Variants in EFCAB13 observed in about 807,000 individuals in gnomAD.
EFCAB13 encodes the protein EF-hand calcium-binding domain-containing protein 13.
Under a neutral mutation model 110.2 loss-of-function variants are expected in EFCAB13, and 91 were observed. That is an observed-to-expected ratio of 0.83 (90% CI 0.70 to 0.98). The LOEUF (loss-of-function observed/expected upper bound fraction) is 0.98, where lower values mean the gene tolerates loss of function less well. EFCAB13 is among the 50% of genes least tolerant of loss of function. EFCAB13 has a pLI of 0.00. For synonymous variants in EFCAB13, 323 were observed against 369.9 expected, an observed-to-expected ratio of 0.87 and a Z score of 1.45; for missense variants, 968 against 1,119.4, an observed-to-expected ratio of 0.86 and a Z score of 1.93.
At chr17:47,428,453 G>T (rs1226765110) in intron 23 of EFCAB13, among the ~76,000 whole-genome samples, 1 of 151,872 alleles carries the variant, frequency 6.6e-6, no homozygotes, top group Non-Finnish European at 1.5e-5. Context: ...ATTTGGCCAG[G>T]TATTAAATGG....
chr17:47,397,624 C>G (rs1452243003), intron 17 of EFCAB13, among the ~76,000 whole-genome samples: 2 of 151,378 alleles, frequency 1.3e-5, no homozygotes, highest in East Asian at 2.0e-4. Context: ...TCTGCCCGGC[C>G]GCCCATCGTC....
chr17:47,366,945 A>G (rs894634281), intron 10 of EFCAB13, among the ~76,000 whole-genome samples: 2 of 152,228 alleles, frequency 1.3e-5, no homozygotes, highest in Non-Finnish European at 2.9e-5. Context: ...GGCCTTTTCC[A>G]CTGGATTAAT....
At chr17:47,394,471 C>T (rs1567797231) in intron 16 of EFCAB13, among the ~76,000 whole-genome samples, 1 of 152,058 alleles carries the variant, frequency 6.6e-6, no homozygotes, top group Non-Finnish European at 1.5e-5. Context: ...TACATCTGTC[C>T]CCATTTCTTT....
Position 47,335,357 on chromosome 17 carries a change from G to T in EFCAB13, c.191+1G>T, listed in dbSNP as rs750737546. 2 of 1,581,302 alleles carry T rather than the reference G, an allele frequency of 1.3e-6. No individual in the cohort carries two copies. The highest frequency in any genetic ancestry group is 2.0e-5 in the Admixed American group (1 of 50,790). ...GTTTGAGCCCAGAATATAAAAAAAT[G>T]TAAGTTAAAAACTCTGAACTTACTT... is the stretch of plus-strand genomic sequence containing the variant. On this transcript the variant is annotated splice_donor_variant, in intron 5 of 24. Coordinates refer to ENST00000331493, the MANE Select transcript of EFCAB13 (RefSeq NM_152347.5). LOFTEE classifies it high-confidence loss of function.
chr17:47,438,132 G>A lies in EFCAB13; in HGVS notation c.2639-2299G>A, dbSNP rs575514049. On this transcript the variant is annotated intron_variant, in intron 24 of 24. Transcript: ENST00000331493. ...GCCCTAATCCCTTCTACCTTGTAGG[G>A]TTTCTACTGAGAAATCTGCTGTTAA... Among the ~76,000 whole-genome samples, 57 of 152,296 alleles carry A rather than the reference G, an allele frequency of 3.7e-4. 1 individual carries two copies. Among genetic ancestry groups the A allele is most frequent in the African/African-American group, 1.0e-3 (42 of 41,576 alleles).
At chr17:47,343,982 T>C (rs1446791818) in intron 6 of EFCAB13, among the ~76,000 whole-genome samples, 180 bp from the exon 7 acceptor site, 2 of 152,160 alleles carry the variant, frequency 1.3e-5, no homozygotes, top group Non-Finnish European at 2.9e-5. Flanking sequence ...TTGCATAGTT[T>C]ATTAAAATTT....
intron 24 of EFCAB13, chr17:47,430,285 G>C: frequency 2.0e-6 from 2 of 979,232 alleles, no homozygotes; most frequent in Non-Finnish European, 2.4e-6. Flanking sequence ...AGGCCCTTTT[G>C]GTTTTTGGAA....
intron 6 of EFCAB13, among the ~76,000 whole-genome samples, chr17:47,342,325 C>T (rs1480911414): frequency 6.6e-6 from 1 of 151,956 alleles, no homozygotes; most frequent in Admixed American, 6.6e-5. Flanking sequence ...TTAACAGGAA[C>T]CCTAGGTGTT....
At chr17:47,342,565 T>G (rs1276938395) in intron 6 of EFCAB13, among the ~76,000 whole-genome samples, 4 of 152,242 alleles carry the variant, frequency 2.6e-5, no homozygotes, top group Non-Finnish European at 5.9e-5. Flanking sequence ...TATCTTTTTG[T>G]GTAGTCACTC....
chr17:47,363,650 T>C (rs1431267564), intron 10 of EFCAB13, among the ~76,000 whole-genome samples: 1 of 152,150 alleles, frequency 6.6e-6, no homozygotes, highest in Non-Finnish European at 1.5e-5. Flanking sequence ...TCAGTATGAA[T>C]TAAGTAGTTG....
At chr17:47,356,183 TC>T (rs1359994340) in intron 9 of EFCAB13, among the ~76,000 whole-genome samples, 1 of 152,210 alleles carries the variant, frequency 6.6e-6, no homozygotes, top group African/African-American at 2.4e-5. Context: ...GAATTATTTT[TC>T]TGGCAATTCA....
chr17:47,360,246 T>C (rs1255772231), intron 9 of EFCAB13, among the ~76,000 whole-genome samples: 1 of 152,162 alleles, frequency 6.6e-6, no homozygotes. Context: ...CCACCAACAG[T>C]GTAAAAGTGT....
Position 47,349,334 on chromosome 17 carries a change from G to A in EFCAB13, c.661+1383G>A, listed in dbSNP as rs367846117. Reference sequence around the variant, plus strand: ...AATAAACCCTGTCAAAGTTGGGCTCGTTTATTTAATGACAGGAGAAGATGA... The same window carrying A: ...AATAAACCCTGTCAAAGTTGGGCTCATTTATTTAATGACAGGAGAAGATGA... On this transcript the variant is annotated intron_variant, in intron 9 of 24. Coordinates refer to ENST00000331493, the MANE Select transcript of EFCAB13 (RefSeq NM_152347.5). Among the ~76,000 whole-genome samples the A allele has an allele frequency of 5.3e-5, 8 of 152,130 alleles. No homozygotes were observed. In the East Asian group the frequency reaches 7.7e-4, roughly 15 times the overall value.
rs1905113622 is a variant in EFCAB13 at position 47,431,371 on chromosome 17, C to T, written c.2638+1410C>T. ...CCAATTTCTAGTGATGAATATTTAG[C>T]TCAATAATTTTAAGGATTTTTTTTT... On this transcript the variant is annotated intron_variant, in intron 24 of 24. Transcript: ENST00000331493. The surrounding 1 kb of genome is among the most constrained non-coding windows in gnomAD (Gnocchi z 4.1). 6.6e-6 allele frequency among the ~76,000 whole-genome samples: 1 copy of T among 151,386 alleles called. No homozygotes were observed. The highest frequency in any genetic ancestry group is 1.5e-5 in the Non-Finnish European group (1 of 67,852).
intron 14 of EFCAB13, among the ~76,000 whole-genome samples, chr17:47,386,595 G>A (rs548188667): frequency 5.3e-5 from 8 of 152,200 alleles, no homozygotes; most frequent in African/African-American, 1.4e-4. Flanking sequence ...CCCGCTGAGC[G>A]AGACCACTTG....
Position 47,440,461 on chromosome 17 carries a change from T to A in EFCAB13, c.2669T>A (p.Met890Lys). 6.2e-7 allele frequency: 1 copy of A among 1,601,036 alleles called. No individual in the cohort carries two copies. Among genetic ancestry groups the A allele is most frequent in the Non-Finnish European group, 8.5e-7 (1 of 1,175,652 alleles). ...ESGKVSIQEF[M>K]TKLSDILTIP... is the part of the protein sequence containing the mutation. Reference sequence around the variant, plus strand: ...GGCAAGGTTAGCATTCAAGAATTTATGACTAAATTATCCGATATATTGACA... The same window carrying A: ...GGCAAGGTTAGCATTCAAGAATTTAAGACTAAATTATCCGATATATTGACA... Residue 890 changes from methionine to lysine, a missense_variant, in exon 25 of 25, where the codon ATG becomes AAG. Coordinates refer to ENST00000331493, the MANE Select transcript of EFCAB13 (RefSeq NM_152347.5).
At chr17:47,356,173 G>A (rs2065479620) in intron 9 of EFCAB13, among the ~76,000 whole-genome samples, 1 of 151,156 alleles carries the variant, frequency 6.6e-6, no homozygotes, top group Non-Finnish European at 1.5e-5. Context: ...TTGACCTTCT[G>A]AATTATTTTT....
rs1237132683 is a variant in EFCAB13, at chr17:47,397,014, C to A, written c.1945+1037C>A. ...TATGAGATATGAAAATAACGTCCCT[C>A]TCCCTCTCCCCCTCCCCCTCCCCCT... On this transcript the variant is annotated intron_variant, in intron 17 of 24. Transcript: ENST00000331493. Among the ~76,000 whole-genome samples the A allele has an allele frequency of 4.4e-5, 6 of 136,140 alleles. No homozygotes were observed. The East Asian group carries it at 1.3e-3, about 30-fold the overall frequency. The allele number at this position is 136,140 out of a possible 152,430, so 89.3% of individuals were successfully genotyped here.
intron 5 of EFCAB13, chr17:47,339,910 T>A (rs1365567750): frequency 6.6e-6 from 1 of 152,148 alleles, no homozygotes; most frequent in Non-Finnish European, 1.5e-5. Context: ...AAAGTAAGCC[T>A]GGAACATCTT....
Sources: allele counts gnomAD v4.1 joint callset (sites outside exome capture counted in the v4.1 genomes callset), GRCh38; gene constraint gnomAD v4.1.1; non-coding constraint Gnocchi (gnomAD v3.1); transcripts MANE v1.5; gene names NCBI Gene and HGNC (gene_info 2026-07-23, HGNC 2026-07-21).